Variants in KRT72 observed in about 807,000 individuals in gnomAD.
The protein encoded by KRT72 is keratin, type II cytoskeletal 72.
In KRT72, 44 loss-of-function variants were observed where a neutral mutation model predicts 44.7. The observed-to-expected ratio is 0.98, with a 90% confidence interval of 0.77 to 1.27. The LOEUF (loss-of-function observed/expected upper bound fraction) is 1.27, where lower values mean the gene tolerates loss of function less well. Ranked by LOEUF, KRT72 falls within the 50% of genes most tolerant of loss-of-function variation. The pLI is 0.00. For missense variants in KRT72, 736 were observed against 667.1 expected, an observed-to-expected ratio of 1.10 and a Z score of -1.14; for synonymous variants, 302 against 280.4, an observed-to-expected ratio of 1.08 and a Z score of -0.77.
chr12:52,588,109 C>T (rs976362133), intron 6 of KRT72, among the ~76,000 whole-genome samples: 1 of 152,198 alleles, frequency 6.6e-6, no homozygotes, highest in Admixed American at 6.5e-5. Context: ...AGAAAGAGGG[C>T]GGCCTGGGCA....
intron 2 of KRT72, among the ~76,000 whole-genome samples, chr12:52,595,975 A>G (rs888263141): frequency 2.2e-5 from 3 of 138,072 alleles, no homozygotes; most frequent in African/African-American, 5.8e-5. Context: ...ATGGTTAAAC[A>G]TGATCTTTAA....
Position 52,601,056 on chromosome 12 carries a change from T to G in KRT72, c.397A>C (p.Asn133His). The change falls in exon 1 of 9, where the codon AAC (asparagine) becomes CAC (histidine). Residue 133 changes from asparagine (N) to histidine (H), a missense_variant. Physicochemically the swap from Asn to His is moderately conservative, Grantham distance 68. Transcript: ENST00000293745. ...AQEREQIKAL[N>H]NKFASFIDKV... ...TCGATGAAGGAGGCGAACTTGTTGT[T>G]TAGCGCCTTGATCTGCTCCCGCTCC... is the stretch of plus-strand genomic sequence containing the variant. The G allele has an allele frequency of 6.2e-7, 1 of 1,612,212 alleles. No homozygotes were observed. The highest frequency in any genetic ancestry group is 2.2e-5 in the East Asian group (1 of 44,726).
Position 52,601,202 on chromosome 12 carries a change from A to AG in KRT72, c.250dup (p.Leu84ProfsTer94), listed in dbSNP as rs1940433713. The AG allele has an allele frequency of 6.2e-6, 10 of 1,611,292 alleles. No individual in the cohort carries two copies. Among genetic ancestry groups the AG allele is most frequent in the Non-Finnish European group, 8.5e-6 (10 of 1,178,618 alleles). On this transcript the variant is annotated frameshift_variant, in exon 1 of 9. Transcript: ENST00000293745. LOFTEE classifies it high-confidence loss of function. ...GCACACGGAGGGACACTTGGGCCCCAGCCCGGCGCTGCCGAAGGCGGTGCC... is the reference window on the plus strand; with the variant it reads ...GCACACGGAGGGACACTTGGGCCCCAGGCCCGGCGCTGCCGAAGGCGGTGCC...
chr12:52,586,917 G>C, intron 8 of KRT72, 29 bp downstream of exon 8: 1 of 1,605,332 alleles, frequency 6.2e-7, no homozygotes, highest in Non-Finnish European at 8.5e-7. Flanking sequence ...AGGTGACCAA[G>C]GGCAGAACTG....
chr12:52,587,317 C>T (rs1043633116), intron 7 of KRT72, among the ~76,000 whole-genome samples: 1 of 152,146 alleles, frequency 6.6e-6, no homozygotes, highest in Admixed American at 6.5e-5. Context: ...TTTGCTGGAG[C>T]GACCTTGAAC....
intron 5 of KRT72, among the ~76,000 whole-genome samples, 159 bp downstream of exon 5, chr12:52,591,305 G>A (rs1940007971): frequency 1.3e-5 from 2 of 152,116 alleles, no homozygotes; most frequent in African/African-American, 4.8e-5. Flanking sequence ...CCCCTGGGGT[G>A]GCATTTCCGC....
rs766532753 is a variant in KRT72 at position 52,586,970 on chromosome 12, C to A, written c.1321G>T (p.Glu441Ter). 1 of 1,613,886 alleles carries A rather than the reference C, an allele frequency of 6.2e-7. No homozygotes were observed. The highest frequency in any genetic ancestry group is 2.2e-5 in the East Asian group (1 of 44,878). Residue 441 changes from glutamate (E) to a stop codon, truncating the protein, a stop_gained, in exon 8 of 9, where the codon GAA becomes TAA. Transcript: ENST00000293745. LOFTEE classifies it high-confidence loss of function. ...CAGATGCTCACAGAATTTGGATATT[C>A]GCCAGACATCCTGAAGAAGGAGAAG... is the stretch of plus-strand genomic sequence containing the variant. ...LESEECRMSG[E>*]YPNSVSISVI...
chr12:52,586,244 T>G, intron 8 of KRT72, 72 bp from the exon 9 acceptor site: 1 of 1,301,526 alleles, frequency 7.7e-7, no homozygotes, highest in East Asian at 2.4e-5. Context: ...CTTGGGCATC[T>G]CGGGCCACCT....
Position 52,590,901 on chromosome 12 carries a change from C to T in KRT72, c.1024G>A (p.Glu342Lys), listed in dbSNP as rs777666732. ...ATCAGGCGGTTGAGCTCAGAGATTT[C>T]AGCCTTGGTGAGCTTGAGGTCATCC... ...HGDDLKLTKA[E>K]ISELNRLIQR... is the part of the protein sequence containing the mutation. Residue 342 changes from glutamate (E) to lysine (K), a missense_variant, in exon 6 of 9, where the codon GAA becomes AAA. Physicochemically the swap from Glu to Lys is moderately conservative, Grantham distance 56. Coordinates refer to ENST00000293745, the MANE Select transcript of KRT72 (RefSeq NM_080747.3). 4 of 1,608,024 alleles carry T rather than the reference C, an allele frequency of 2.5e-6. No individual in the cohort carries two copies. The highest frequency in any genetic ancestry group is 3.4e-6 in the Non-Finnish European group (4 of 1,175,468).
chr12:52,591,427 T>C (rs1290703280), intron 5 of KRT72, 37 bp downstream of exon 5: 1 of 1,600,802 alleles, frequency 6.2e-7, no homozygotes, highest in Middle Eastern at 1.7e-4. Context: ...GTGCTAGCTG[T>C]GGCCAGTGGG....
intron 2 of KRT72, among the ~76,000 whole-genome samples, chr12:52,597,754 T>C (rs1940269858): frequency 2.0e-5 from 3 of 152,244 alleles, no homozygotes; most frequent in African/African-American, 7.2e-5. Context: ...AAGCTGCTAA[T>C]ACACTACTGT....
chr12:52,587,704 G>C lies in KRT72; in HGVS notation c.1237C>G (p.Leu413Val), dbSNP rs991579459. ...LARMLREYQE[L>V]VSLKLALDME... Reference sequence around the variant, plus strand: ...TCCAGGGCCAGCTTCAGGCTCACGAGCTCCTGGTACTCACGCAGCATCCGT... The same window carrying C: ...TCCAGGGCCAGCTTCAGGCTCACGACCTCCTGGTACTCACGCAGCATCCGT... Residue 413 changes from leucine (L) to valine (V), a missense_variant, in exon 7 of 9, where the codon CTC (leucine) becomes GTC (valine). Coordinates refer to ENST00000293745, the MANE Select transcript of KRT72 (RefSeq NM_080747.3). The C allele has an allele frequency of 6.2e-7, 1 of 1,614,178 alleles. No homozygotes were observed. The highest frequency in any genetic ancestry group is 8.5e-7 in the Non-Finnish European group (1 of 1,180,030).
chr12:52,585,940 G>A lies in KRT72; in HGVS notation c.*42C>T. On this transcript the variant is annotated 3_prime_UTR_variant, in exon 9 of 9. Coordinates refer to ENST00000293745, the MANE Select transcript of KRT72 (RefSeq NM_080747.3). Reference sequence around the variant, plus strand: ...AGGGAAGGAGAGGGAGGAGACGGGTGAGTTGGGAAGCCTTCTGCTCACAGA... The same window carrying A: ...AGGGAAGGAGAGGGAGGAGACGGGTAAGTTGGGAAGCCTTCTGCTCACAGA... 2 of 1,557,112 alleles carry A rather than the reference G, an allele frequency of 1.3e-6. No individual in the cohort carries two copies. The highest frequency in any genetic ancestry group is 1.2e-5 in the South Asian group (1 of 86,394).
upstream of KRT72, among the ~76,000 whole-genome samples, chr12:52,601,890 A>G (rs937345294): frequency 6.6e-6 from 1 of 152,210 alleles, no homozygotes; most frequent in African/African-American, 2.4e-5. Flanking sequence ...CTTCTGCTTC[A>G]GAAGGCCATG....
At chr12:52,591,684 CTCT>C in intron 4 of KRT72, 56 bp from the exon 5 acceptor site, 1 of 1,516,404 alleles carries the variant, frequency 6.6e-7, no homozygotes, top group Non-Finnish European at 9.0e-7. Context: ...GGAACCAGTT[CTCT>C]TGGTCCTCCC....
intron 7 of KRT72, 128 bp downstream of exon 7, chr12:52,587,503 G>T: frequency 1.0e-6 from 1 of 998,938 alleles, no homozygotes; most frequent in Admixed American, 2.2e-5. Context: ...TCCTAATCAT[G>T]TGACAAGCCC....
rs750021860 is a variant in KRT72 at position 52,587,641 on chromosome 12, C to T, written c.1300G>A (p.Glu434Lys). The T allele has an allele frequency of 3.1e-6, 5 of 1,614,082 alleles. No individual in the cohort carries two copies. Among genetic ancestry groups the T allele is most frequent in the South Asian group, 1.1e-5 (1 of 91,086 alleles). ...IATYRKLLES[E>K]ECRMSGEYPN... ...TATCCGGCCCCTCACCTGCACTCCTCGCTCTCCAGCAGCTTGCGGTAGGTG... is the reference window on the plus strand; with the variant it reads ...TATCCGGCCCCTCACCTGCACTCCTTGCTCTCCAGCAGCTTGCGGTAGGTG... Residue 434 changes from glutamate (E) to lysine (K), a missense_variant, in exon 7 of 9, where the codon GAG (glutamate) becomes AAG (lysine). Glu to Lys is a moderately conservative substitution (Grantham distance 56, BLOSUM62 1). Coordinates refer to ENST00000293745, the MANE Select transcript of KRT72 (RefSeq NM_080747.3).
At chr12:52,595,236 CATT>C (rs1940193572) in intron 2 of KRT72, among the ~76,000 whole-genome samples, 2 of 151,844 alleles carry the variant, frequency 1.3e-5, no homozygotes, top group African/African-American at 4.8e-5. Flanking sequence ...AGTTTTATAG[CATT>C]ATTAACTTAA....
chr12:52,601,799 C>A (rs1441555022), upstream of KRT72, among the ~76,000 whole-genome samples: 4 of 152,196 alleles, frequency 2.6e-5, no homozygotes, highest in African/African-American at 4.8e-5. Flanking sequence ...CCCAAGATCA[C>A]CCCTGGAAAC....
Sources: gnomAD v4.1 joint callset for allele counts (sites outside exome capture counted in the v4.1 genomes callset) on GRCh38, gnomAD v4.1.1 for gene constraint, MANE v1.5 for transcripts, NCBI Gene and HGNC (gene_info 2026-07-23, HGNC 2026-07-21) for gene names.